The following CFAP97 variants were observed in gnomAD, a reference collection of about 807,000 sequenced individuals.
CFAP97 encodes cilia- and flagella-associated protein 97.
Under a neutral mutation model 43.1 loss-of-function variants are expected in CFAP97, and 36 were observed. The ratio of observed to expected loss-of-function variants is 0.84; its 90% CI spans 0.64 to 1.10. CFAP97 has a LOEUF of 1.10. CFAP97 is among the 50% of genes least tolerant of loss of function. CFAP97 has a pLI of 0.00. For synonymous variants in CFAP97, 228 were observed against 225.7 expected, an observed-to-expected ratio of 1.01 and a Z score of -0.09; for missense variants, 657 against 620.3, an observed-to-expected ratio of 1.06 and a Z score of -0.63.
In CFAP97 at chr4:185,190,698, A is replaced by G; in HGVS notation, c.499T>C (p.Cys167Arg). ...NVKKSIRKKYCKVSSSSSSSL... is the reference protein window; with the variant it reads ...NVKKSIRKKYRKVSSSSSSSL... ...GAGGAGGAAGAGGAGCTAACTTTGC[A>G]ATACTTTTTCCTTATGCTTTTTTTA... Residue 167 changes from cysteine to arginine, a missense_variant, in exon 2 of 5, where the codon TGC (cysteine) becomes CGC (arginine). By Grantham distance (180) the Cys-to-Arg change is radical (BLOSUM62 -3). Coordinates refer to ENST00000458385, the MANE Select transcript of CFAP97 (RefSeq NM_020827.3). The G allele has an allele frequency of 6.4e-7, 1 of 1,569,894 alleles. No homozygotes were observed. Among genetic ancestry groups the G allele is most frequent in the South Asian group, 1.2e-5 (1 of 86,298 alleles).
At chr4:185,179,738 A>T (rs1735709502) in intron 2 of CFAP97, among the ~76,000 whole-genome samples, 1 of 152,168 alleles carries the variant, frequency 6.6e-6, no homozygotes, top group African/African-American at 2.4e-5. Flanking sequence ...TGTTGGGGTA[A>T]TCTGTCATGC....
rs1377990799 is a variant in CFAP97 at position 185,191,219 on chromosome 4, A to AC, written c.-16-8_-16-7insG. On this transcript the variant is annotated splice_region_variant and splice_polypyrimidine_tract_variant and intron_variant, in intron 1 of 4. Coordinates refer to ENST00000458385, the MANE Select transcript of CFAP97 (RefSeq NM_020827.3). ...CATGATGGCAAAAATATATCTGAAA[A>AC]AAAAATGTAAACATCAGACTAAAGA... 6.8e-7 allele frequency: 1 copy of AC among 1,465,354 alleles called. No individual in the cohort carries two copies. Among genetic ancestry groups the AC allele is most frequent in the Non-Finnish European group, 9.0e-7 (1 of 1,109,636 alleles). The allele number at this position is 1,465,354 out of a possible 1,614,324, so 90.8% of individuals were successfully genotyped here. A position where few individuals can be genotyped will look rare whatever the true frequency, so the allele number is the denominator to read the frequency against.
intron 1 of CFAP97, among the ~76,000 whole-genome samples, chr4:185,194,408 G>A (rs985059230): frequency 1.3e-5 from 2 of 152,098 alleles, no homozygotes; most frequent in Non-Finnish European, 2.9e-5. Flanking sequence ...AGGATCACTT[G>A]AATGCAGGAG....
At chr4:185,194,123 C>T (rs536976431) in intron 1 of CFAP97, among the ~76,000 whole-genome samples, 1 of 152,296 alleles carries the variant, frequency 6.6e-6, no homozygotes, top group South Asian at 2.1e-4. Flanking sequence ...ACTACGACTG[C>T]AGAGCTAAGT....
chr4:185,164,751 G>C (rs922305320), intron 3 of CFAP97, among the ~76,000 whole-genome samples: 1 of 152,200 alleles, frequency 6.6e-6, no homozygotes, highest in African/African-American at 2.4e-5. Flanking sequence ...TTTGTGCCAG[G>C]TTAGTCTTAG....
intron 1 of CFAP97, among the ~76,000 whole-genome samples, chr4:185,192,957 G>A (rs1485461941): frequency 6.6e-6 from 1 of 151,894 alleles, no homozygotes; most frequent in African/African-American, 2.4e-5. Flanking sequence ...ATCCAGGATG[G>A]CCTGGATCTC....
Position 185,188,347 on chromosome 4 carries a change from AT to A in CFAP97, c.1054+1795del, listed in dbSNP as rs1267049610. ...CATATATATATATACACATATATACATTTTTTTTTTTTGAGATGGGAGTCTC... is the reference window on the plus strand; with the variant it reads ...CATATATATATATACACATATATACATTTTTTTTTTTGAGATGGGAGTCTC... On this transcript the variant is annotated intron_variant, in intron 2 of 4. Coordinates refer to ENST00000458385, the MANE Select transcript of CFAP97 (RefSeq NM_020827.3). Among the ~76,000 whole-genome samples, 663 of 142,596 alleles carry A rather than the reference AT, an allele frequency of 4.6e-3. 2 individuals are homozygous for A. The highest frequency in any genetic ancestry group is 8.1e-3 in the African/African-American group (317 of 38,980). 93.5% of individuals were successfully genotyped at this position (142,596 alleles called of 152,430 possible).
At chr4:185,189,008 T>G (rs550731490) in intron 2 of CFAP97, among the ~76,000 whole-genome samples, 1 of 152,010 alleles carries the variant, frequency 6.6e-6, no homozygotes, top group Non-Finnish European at 1.5e-5. Flanking sequence ...GACGCTGAGG[T>G]AGGAGGTTTG....
intron 3 of CFAP97, among the ~76,000 whole-genome samples, chr4:185,175,238 TTCTC>T (rs10638706): frequency 1.5e-4 from 22 of 149,166 alleles, no homozygotes; most frequent in East Asian, 3.9e-4. Context: ...AATGGTCTCC[TTCTC>T]TCTCTCTCTC....
At chr4:185,195,086 ACTGT>A (rs1290681289) in intron 1 of CFAP97, among the ~76,000 whole-genome samples, 9 of 152,318 alleles carry the variant, frequency 5.9e-5, no homozygotes, top group African/African-American at 2.2e-4. Context: ...GAACAACTTT[ACTGT>A]CTATTAAGAG....
chr4:185,191,016 C>T lies in CFAP97; in HGVS notation c.181G>A (p.Glu61Lys), dbSNP rs771069081. The T allele has an allele frequency of 7.4e-6, 12 of 1,613,498 alleles. No individual in the cohort carries two copies. The highest frequency in any genetic ancestry group is 1.0e-5 in the Non-Finnish European group (12 of 1,179,636). ...TTTCCCTTCTCAGTAAGATAATTTT[C>T]TGTTGTTTGCATTCCAGTGTTCGAA... ...VNSNTGMQTT[E>K]NYLTEKGNER... Residue 61 changes from glutamate to lysine, a missense_variant, in exon 2 of 5, where the codon GAA (glutamate) becomes AAA (lysine). Physicochemically the swap from Glu to Lys is moderately conservative, Grantham distance 56 (BLOSUM62 1). Transcript: ENST00000458385.
At chr4:185,170,286 C>G in intron 3 of CFAP97, 1 of 654,980 alleles carries the variant, frequency 1.5e-6, no homozygotes, top group Non-Finnish European at 2.8e-6. Flanking sequence ...ATGGAGGCTG[C>G]AAGGAGCCAA....
At position 185,160,990 on chromosome 4, in the gene CFAP97, A is replaced by C. The variant is rs1185347011; in HGVS notation, c.*1808T>G. The C allele has an allele frequency of 6.6e-6, 1 of 150,936 alleles. No homozygotes were observed. Among genetic ancestry groups the C allele is most frequent in the Non-Finnish European group, 1.5e-5 (1 of 67,740 alleles). The allele number at this position is 150,936 out of a possible 1,614,324, so 9.3% of individuals were successfully genotyped here. A position where few individuals can be genotyped will look rare whatever the true frequency, so the allele number is the denominator to read the frequency against. On this transcript the variant is annotated 3_prime_UTR_variant, in exon 5 of 5. Coordinates refer to ENST00000458385, the MANE Select transcript of CFAP97 (RefSeq NM_020827.3). ...AAAATCAATTTTAAAAAAACTGATT[A>C]ATTCACTATTGGACAGATGTTCAAA... is the stretch of plus-strand genomic sequence containing the variant.
chr4:185,180,542 C>T (rs754581865), intron 2 of CFAP97, among the ~76,000 whole-genome samples: 9 of 152,106 alleles, frequency 5.9e-5, no homozygotes, highest in Middle Eastern at 3.2e-3. Flanking sequence ...TTTCACTTAG[C>T]ATAATGTCCT....
At chr4:185,206,891 G>A (rs1737210311), upstream of CFAP97, among the ~76,000 whole-genome samples, 1 of 152,116 alleles carries the variant, frequency 6.6e-6, no homozygotes, top group Admixed American at 6.6e-5. Flanking sequence ...GGAATAGGAT[G>A]GCATAACTCT....
chr4:185,170,491 G>C (rs1170368738), intron 3 of CFAP97, among the ~76,000 whole-genome samples: 1 of 151,886 alleles, frequency 6.6e-6, no homozygotes, highest in Admixed American at 6.6e-5. Flanking sequence ...CTGCTTCCCG[G>C]GTTCAAGTGA....
At chr4:185,196,482 A>G (rs1736551258) in intron 1 of CFAP97, among the ~76,000 whole-genome samples, 1 of 148,210 alleles carries the variant, frequency 6.7e-6, no homozygotes, top group Non-Finnish European at 1.5e-5. Flanking sequence ...AAAAAAAAAA[A>G]GAGTGCATTA....
chr4:185,175,715 T>G, intron 3 of CFAP97, 71 bp downstream of exon 3: 1 of 1,441,048 alleles, frequency 6.9e-7, no homozygotes, highest in Non-Finnish European at 9.5e-7. Flanking sequence ...GTATTTAGGT[T>G]TCCTGTAAGC....
intron 1 of CFAP97, among the ~76,000 whole-genome samples, chr4:185,198,215 G>A (rs1736645583): frequency 6.6e-6 from 1 of 152,084 alleles, no homozygotes; most frequent in Admixed American, 6.6e-5. Flanking sequence ...GGCTGAAGTG[G>A]GCAGATCACT....
Sources: allele counts gnomAD v4.1 joint callset (sites outside exome capture counted in the v4.1 genomes callset), GRCh38; gene constraint gnomAD v4.1.1; transcripts MANE v1.5; gene names NCBI Gene and HGNC (gene_info 2026-07-23, HGNC 2026-07-21).